Variants in MAPK6 observed in about 807,000 individuals in gnomAD.
MAPK6 encodes the protein mitogen-activated protein kinase 6, also known as ERK-3.
Under a neutral mutation model 59.3 loss-of-function variants are expected in MAPK6, and 19 were observed. That is an observed-to-expected ratio of 0.32 (90% confidence interval 0.22 to 0.47). The LOEUF (loss-of-function observed/expected upper bound fraction) is 0.47, where lower values mean the gene tolerates loss of function less well. Among genes scored for constraint, MAPK6 ranks in the 20% least tolerant of loss-of-function variants. The pLI is 1.00. For synonymous variants in MAPK6, 316 were observed against 290.3 expected (o/e 1.09, Z -0.90); for missense variants, 724 against 847.9 (o/e 0.85, Z 1.81).
chr15:52,024,989 A>G (rs2030709092), intron 1 of MAPK6, among the ~76,000 whole-genome samples: 1 of 149,026 alleles, frequency 6.7e-6, no homozygotes, highest in Non-Finnish European at 1.5e-5. Context: ...TTTTAACAAG[A>G]TTTTCAAGTC....
At chr15:51,978,137 A>AT (rs35197355) in intron 1 of MAPK6, among the ~76,000 whole-genome samples, 59,905 of 147,230 alleles carry the variant, frequency 0.41, 12,363 homozygotes, top group Admixed American at 0.51. Flanking sequence ...TGACAGTTTA[A>AT]TTTTTTTTTT....
chr15:52,006,513 A>G (rs1266597337), intron 3 of MAPK6, among the ~76,000 whole-genome samples: 1 of 152,232 alleles, frequency 6.6e-6, no homozygotes, highest in Non-Finnish European at 1.5e-5. Flanking sequence ...TCAACACTAG[A>G]GTTTACAATG....
chr15:52,035,156 C>T (rs571209818), intron 1 of MAPK6, among the ~76,000 whole-genome samples: 80 of 152,318 alleles, frequency 5.3e-4, no homozygotes, highest in African/African-American at 1.8e-3. Flanking sequence ...TTCTTTGACT[C>T]GGCCTTAGGA....
chr15:51,987,569 A>G (rs925836700), intron 2 of MAPK6, among the ~76,000 whole-genome samples: 1 of 151,976 alleles, frequency 6.6e-6, no homozygotes, highest in Non-Finnish European at 1.5e-5. Context: ...CAGTGAGCTG[A>G]GACTGCACCA....
chr15:52,029,804 C>T (rs752194687), intron 1 of MAPK6, among the ~76,000 whole-genome samples: 1 of 152,202 alleles, frequency 6.6e-6, no homozygotes, highest in Non-Finnish European at 1.5e-5. Flanking sequence ...ACCTTAGTCT[C>T]AGCCACCATT....
At chr15:52,050,639 C>G (rs1477736808) in intron 3 of MAPK6, among the ~76,000 whole-genome samples, 1 of 152,092 alleles carries the variant, frequency 6.6e-6, no homozygotes, top group East Asian at 1.9e-4. Context: ...AAGCATAGGT[C>G]TGTATAAAAT....
intron 2 of MAPK6, among the ~76,000 whole-genome samples, chr15:51,984,128 T>G (rs1410077085): frequency 6.6e-6 from 1 of 152,142 alleles, no homozygotes; most frequent in East Asian, 1.9e-4. Flanking sequence ...AATAGAGAAT[T>G]GTTCAAATAA....
intron 3 of MAPK6, among the ~76,000 whole-genome samples, chr15:52,051,547 A>G (rs2031781074): frequency 6.6e-6 from 1 of 152,218 alleles, no homozygotes; most frequent in Non-Finnish European, 1.5e-5. Context: ...TATAACAGCA[A>G]GCCAGCTCTT....
At chr15:52,063,868 C>T (rs746313015) in intron 5 of MAPK6, 34 bp from the exon 6 acceptor site, 102 of 1,511,636 alleles carry the variant, frequency 6.7e-5, no homozygotes, top group Non-Finnish European at 8.6e-5. Context: ...AAATCATATA[C>T]GTAGAATAAC....
chr15:52,051,172 C>T (rs1050116932), intron 3 of MAPK6, among the ~76,000 whole-genome samples: 2 of 152,150 alleles, frequency 1.3e-5, no homozygotes, highest in African/African-American at 2.4e-5. Context: ...ATTCTCCTGC[C>T]TCAGCCTCCC....
chr15:52,060,505 T>C (rs1307737995), intron 4 of MAPK6, among the ~76,000 whole-genome samples: 1 of 152,180 alleles, frequency 6.6e-6, no homozygotes, highest in Non-Finnish European at 1.5e-5. Flanking sequence ...ATATGGGATA[T>C]TGCAGCTAGT....
chr15:51,974,948 C>A (rs552300321), intron 1 of MAPK6, among the ~76,000 whole-genome samples: 3 of 151,406 alleles, frequency 2.0e-5, no homozygotes, highest in African/African-American at 7.2e-5. Flanking sequence ...GAATTCCTGA[C>A]CTCAGGTGAT....
Position 52,044,915 on chromosome 15 carries a change from AT to A in MAPK6, c.-631-906del, listed in dbSNP as rs1423058657. Among the ~76,000 whole-genome samples, 17 of 135,678 alleles carry A rather than the reference AT, an allele frequency of 1.3e-4. No homozygotes were observed. The East Asian group carries it at 1.3e-3, about 10-fold the overall frequency. 89.0% of individuals were successfully genotyped at this position (135,678 alleles called of 152,430 possible). ...TCATTATGAATTTGGTATTTGTCTCATTTTTTTTTCCTTTTTTTTTTTTTTT... is the reference window on the plus strand; with the variant it reads ...TCATTATGAATTTGGTATTTGTCTCATTTTTTTTCCTTTTTTTTTTTTTTT... On this transcript the variant is annotated intron_variant, in intron 1 of 5. Transcript: ENST00000261845.
chr15:51,974,340 C>G (rs2057150853), intron 1 of MAPK6, among the ~76,000 whole-genome samples: 1 of 151,532 alleles, frequency 6.6e-6, no homozygotes, highest in Non-Finnish European at 1.5e-5. Flanking sequence ...TTGTGTTCAA[C>G]TAATTTAACT....
intron 2 of MAPK6, among the ~76,000 whole-genome samples, chr15:51,987,825 G>T (rs1295044853): frequency 1.4e-5 from 2 of 147,778 alleles, no homozygotes; most frequent in Non-Finnish European, 3.0e-5. Flanking sequence ...GAGTGCAATG[G>T]TGCGATCTTG....
At chr15:52,043,742 A>ATTTTTTGTTTT (rs2031505101) in intron 1 of MAPK6, among the ~76,000 whole-genome samples, 1 of 40,630 alleles carries the variant, frequency 2.5e-5, no homozygotes, top group Non-Finnish European at 4.4e-5. Context: ...AAGTTGTTTG[A>ATTTTTTGTTTT]TTTTTTTTTT....
chr15:51,994,272 C>G (rs1375947758), intron 2 of MAPK6, among the ~76,000 whole-genome samples: 1 of 152,054 alleles, frequency 6.6e-6, no homozygotes, highest in Non-Finnish European at 1.5e-5. Context: ...CTCTTGGTTT[C>G]TAAATACCAT....
chr15:52,030,105 A>T (rs1439647597), intron 1 of MAPK6, among the ~76,000 whole-genome samples: 1 of 152,082 alleles, frequency 6.6e-6, no homozygotes, highest in African/African-American at 2.4e-5. Flanking sequence ...GCCAAGTTTT[A>T]TCCTGCCTTA....
At chr15:52,026,878 C>T (rs1243887147) in intron 1 of MAPK6, among the ~76,000 whole-genome samples, 1 of 149,746 alleles carries the variant, frequency 6.7e-6, no homozygotes, top group Non-Finnish European at 1.5e-5. Context: ...GATGAAAACC[C>T]GTCTTTACTA....
Sources: gnomAD v4.1 joint callset for allele counts (sites outside exome capture counted in the v4.1 genomes callset) on GRCh38, gnomAD v4.1.1 for gene constraint, MANE v1.5 for transcripts, NCBI Gene and HGNC (gene_info 2026-07-23, HGNC 2026-07-21) for gene names.